The following CLDN14 variants were observed in gnomAD, a reference collection of about 807,000 sequenced individuals.
The protein encoded by CLDN14 is claudin-14.
A neutral mutation model predicts 2.1 loss-of-function variants in CLDN14; 2 were observed. The ratio of observed to expected loss-of-function variants is 0.96; its 90% confidence interval spans 0.39 to 3.01. The LOEUF (loss-of-function observed/expected upper bound fraction) is 3.01. Among genes scored for constraint, CLDN14 ranks in the 30% most tolerant of loss-of-function variants. The probability of loss-of-function intolerance (pLI) is 0.09; values close to 1 mark genes in which losing one functional copy is unlikely to be tolerated. For synonymous variants in CLDN14, 136 were observed against 154.4 expected (o/e 0.88, Z 0.88); for missense variants, 298 against 328.0 (o/e 0.91, Z 0.71).
intron 1 of CLDN14, among the ~76,000 whole-genome samples, chr21:36,524,880 C>G (rs188689669): frequency 6.6e-6 from 1 of 152,204 alleles, no homozygotes; most frequent in Non-Finnish European, 1.5e-5. Flanking sequence ...TTCTCAGCTC[C>G]TTCTAGCCCA....
intron 1 of CLDN14, among the ~76,000 whole-genome samples, chr21:36,467,821 T>A (rs1198900808): frequency 6.6e-6 from 1 of 152,152 alleles, no homozygotes; most frequent in Non-Finnish European, 1.5e-5. Flanking sequence ...TCCGTGGCCC[T>A]TGTCTACCCA....
chr21:36,518,471 G>A (rs1223646396), intron 1 of CLDN14, among the ~76,000 whole-genome samples: 1 of 151,796 alleles, frequency 6.6e-6, no homozygotes, highest in East Asian at 1.9e-4. Flanking sequence ...ATGATGGCAG[G>A]TGCCTGTAAT....
intron 1 of CLDN14, among the ~76,000 whole-genome samples, chr21:36,569,375 C>G (rs1468180024): frequency 6.7e-6 from 1 of 150,286 alleles, no homozygotes; most frequent in Non-Finnish European, 1.5e-5. Context: ...GAAATCGCAC[C>G]ACTATAGTCC....
intron 1 of CLDN14, among the ~76,000 whole-genome samples, chr21:36,462,635 A>G (rs1454811585): frequency 6.6e-6 from 1 of 152,136 alleles, no homozygotes; most frequent in Non-Finnish European, 1.5e-5. Context: ...CCAGGCATAT[A>G]GAAGACACTA....
intron 2 of CLDN14, chr21:36,487,371 TCA>T: frequency 2.3e-5 from 1 of 44,374 alleles, no homozygotes; most frequent in Non-Finnish European, 1.6e-4. Context: ...CTGCACATAC[TCA>T]CTGTTGTCCA....
chr21:36,565,669 G>A (rs1445765468), intron 1 of CLDN14, among the ~76,000 whole-genome samples: 1 of 152,194 alleles, frequency 6.6e-6, no homozygotes, highest in Non-Finnish European at 1.5e-5. Context: ...GGAGAGGGCT[G>A]TTTATGTGCC....
At chr21:36,474,812 C>T (rs1257852043) in intron 1 of CLDN14, among the ~76,000 whole-genome samples, 2 of 152,162 alleles carry the variant, frequency 1.3e-5, no homozygotes, top group Non-Finnish European at 2.9e-5. Flanking sequence ...CCTGTGTGCA[C>T]ATGGAGAGAC....
chr21:36,509,531 A>G (rs2298451), intron 2 of CLDN14, among the ~76,000 whole-genome samples: 134,402 of 152,224 alleles, frequency 0.88, 60,028 homozygotes, highest in Middle Eastern at 0.94. Context: ...GAGTGCTGCC[A>G]GTTCCATACA....
In CLDN14 at chr21:36,544,549, T is replaced by C. The variant is rs1194897785; in HGVS notation, c.-220+31862A>G. Among the ~76,000 whole-genome samples, 2 of 152,202 alleles carry C rather than the reference T, an allele frequency of 1.3e-5. No individual in the cohort carries two copies. The highest frequency in any genetic ancestry group is 4.8e-5 in the African/African-American group (2 of 41,438). ...TTTGAGGCTGGGGAGAATTTGAATT[T>C]TCCTGTGCACTAACCACAGGCATCC... On this transcript the variant is annotated intron_variant, in intron 1 of 2. Transcript: ENST00000342108. The surrounding 1 kb of genome is among the most constrained non-coding windows in gnomAD (Gnocchi z 4.1).
Position 36,461,756 on chromosome 21 carries a change from C to T in CLDN14, c.-61G>A. On this transcript the variant is annotated 5_prime_UTR_variant, in exon 2 of 2. Coordinates refer to ENST00000399135, the MANE Select transcript of CLDN14 (RefSeq NM_001146079.2). ...CCTGGGCCCTCGGGGTCACGCCGCT[C>T]CTCAGGTGCCAGCCGGAGCCCTAAT... is the stretch of plus-strand genomic sequence containing the variant. 1.3e-6 allele frequency: 2 copies of T among 1,534,622 alleles called. No individual in the cohort carries two copies. Among genetic ancestry groups the T allele is most frequent in the Non-Finnish European group, 1.8e-6 (2 of 1,142,078 alleles).
At chr21:36,515,151 T>G (rs766671450) in intron 1 of CLDN14, among the ~76,000 whole-genome samples, 4 of 151,216 alleles carry the variant, frequency 2.6e-5, no homozygotes, top group Non-Finnish European at 5.9e-5. Context: ...AGTAGGGAGG[T>G]TCTTCCAAAA....
At chr21:36,571,850 C>T (rs546244410) in intron 1 of CLDN14, among the ~76,000 whole-genome samples, 1 of 152,254 alleles carries the variant, frequency 6.6e-6, no homozygotes, top group Admixed American at 6.5e-5. Context: ...CTTCCCCAAC[C>T]CCTACGTTTC....
intron 1 of CLDN14, 149 bp from the exon 2 acceptor site, chr21:36,461,925 CACTGGGTGGGAGAGTA>C (rs1283695920): frequency 1.6e-6 from 1 of 609,028 alleles, no homozygotes; most frequent in Non-Finnish European, 2.9e-6. Flanking sequence ...TCTGAGACTT[CACTGGGTGGGAGAGTA>C]ACTGCTTTCC....
At chr21:36,489,460 C>T (rs2086939019) in intron 2 of CLDN14, among the ~76,000 whole-genome samples, 2 of 152,172 alleles carry the variant, frequency 1.3e-5, no homozygotes, top group Admixed American at 6.5e-5. Context: ...TTTTGGGCCA[C>T]AACACATGCA....
intron 2 of CLDN14, among the ~76,000 whole-genome samples, chr21:36,489,220 G>A (rs1183201302): frequency 6.9e-6 from 1 of 144,346 alleles, no homozygotes; most frequent in Admixed American, 6.9e-5. Context: ...GAGAGAGAGA[G>A]AGAGAGAGAA....
rs545411286 is a variant in CLDN14 at position 36,499,996 on chromosome 21, T to G, written c.-82+10367A>C. 1.4e-4 allele frequency among the ~76,000 whole-genome samples: 21 copies of G among 148,236 alleles called. No individual in the cohort carries two copies. Among genetic ancestry groups the G allele is most frequent in the Middle Eastern group, 3.5e-3 (1 of 288 alleles). The stretch of plus-strand genomic sequence containing the variant: ...GTCTTCCAATGCGAGTCCCGCGAGG[T>G]GAAGAATTAGAGCATGTTGTTCATT... On this transcript the variant is annotated intron_variant, in intron 2 of 2. Transcript: ENST00000342108. The surrounding 1 kb of genome is among the most constrained non-coding windows in gnomAD (Gnocchi z 4.7).
chr21:36,551,614 G>A lies in CLDN14; in HGVS notation c.-220+24797C>T, dbSNP rs988118386. Among the ~76,000 whole-genome samples the A allele has an allele frequency of 7.2e-5, 11 of 152,134 alleles. No individual in the cohort carries two copies. Among genetic ancestry groups the A allele is most frequent in the Admixed American group, 2.6e-4 (4 of 15,268 alleles). ...TCTTGTGATCTGGATCTGAGATGCC[G>A]CCTTGGGTGGTGGGTAGAGGGATGA... On this transcript the variant is annotated intron_variant, in intron 1 of 2. Coordinates refer to the CLDN14 transcript ENST00000342108. The surrounding 1 kb of genome is among the most constrained non-coding windows in gnomAD (Gnocchi z 4.8).
At chr21:36,560,466 C>T (rs991554608) in intron 1 of CLDN14, among the ~76,000 whole-genome samples, 10 of 152,004 alleles carry the variant, frequency 6.6e-5, no homozygotes, top group South Asian at 2.1e-4. Flanking sequence ...GAGATGGGGG[C>T]GGATCGGAGG....
chr21:36,472,764 G>A lies in CLDN14; in HGVS notation c.-82+6731C>T, dbSNP rs117745663. Among the ~76,000 whole-genome samples the A allele has an allele frequency of 3.9e-5, 6 of 152,276 alleles. No individual in the cohort carries two copies. In the East Asian group the frequency reaches 5.8e-4, roughly 15 times the overall value. On this transcript the variant is annotated intron_variant, in intron 1 of 1. Transcript: ENST00000399135. ...GGTTCCTGGTGGAAATTCACCTGAC[G>A]TCTTCTTTGCATGCAGGCAGAGGAA...
Sources: allele counts gnomAD v4.1 joint callset (sites outside exome capture counted in the v4.1 genomes callset), GRCh38; gene constraint gnomAD v4.1.1; non-coding constraint Gnocchi (gnomAD v3.1); transcripts MANE v1.5; gene names NCBI Gene and HGNC (gene_info 2026-07-23, HGNC 2026-07-21).